Variants in HYAL4 observed in about 807,000 individuals in gnomAD.
HYAL4 encodes the protein hyaluronidase-4.
A neutral mutation model predicts 35.2 loss-of-function variants in HYAL4; 37 were observed. That is an observed-to-expected ratio of 1.05 (90% CI 0.81 to 1.38). The LOEUF is 1.38. Ranked by LOEUF, HYAL4 falls within the 40% of genes most tolerant of loss-of-function variation. The pLI is 0.00. For synonymous variants in HYAL4, 198 were observed against 203.2 expected (o/e 0.97, Z 0.22); for missense variants, 572 against 572.4 (o/e 1.00, Z 0.01).
At chr7:123,790,512 G>A in the HYAL4 span, 6 of 150,348 alleles carry the variant, frequency 4.0e-5, no homozygotes, top group Non-Finnish European at 5.9e-5. Flanking sequence ...TATCTGTAAC[G>A]CTCTCTTGAA....
chr7:123,813,922 A>T, the HYAL4 span, among the ~76,000 whole-genome samples: 5 of 152,334 alleles, frequency 3.3e-5, no homozygotes, highest in South Asian at 1.0e-3. Context: ...TGCATAGCTG[A>T]CAAATGTGTG....
intron 3 of HYAL4, among the ~76,000 whole-genome samples, chr7:123,870,903 A>G (rs1351853575): frequency 1.3e-5 from 2 of 152,300 alleles, no homozygotes; most frequent in South Asian, 2.1e-4. Flanking sequence ...CTTTAGTGAT[A>G]ATAAATTGAC....
chr7:123,817,510 C>CTTTTTTTTTTTTT, the HYAL4 span, among the ~76,000 whole-genome samples: 1 of 122,174 alleles, frequency 8.2e-6, no homozygotes, highest in Non-Finnish European at 1.7e-5. Flanking sequence ...CATTCTTCTT[C>CTTTTTTTTTTTTT]TTTTTTTTTT....
chr7:123,826,769 C>G (rs887074466), upstream of HYAL4, among the ~76,000 whole-genome samples: 1 of 151,978 alleles, frequency 6.6e-6, no homozygotes, highest in Non-Finnish European at 1.5e-5. Context: ...AGTTGGGAGG[C>G]AATCATCCAG....
the HYAL4 span, among the ~76,000 whole-genome samples, chr7:123,823,859 A>G: frequency 6.6e-6 from 1 of 151,996 alleles, no homozygotes; most frequent in African/African-American, 2.4e-5. Context: ...TCACAAAATA[A>G]CTACTACTTT....
chr7:123,843,930 A>G (rs774940592), upstream of HYAL4, among the ~76,000 whole-genome samples: 1 of 151,852 alleles, frequency 6.6e-6, no homozygotes, highest in South Asian at 2.1e-4. Context: ...CTTCCTTGCA[A>G]TGGATTCAAA....
the HYAL4 span, among the ~76,000 whole-genome samples, chr7:123,810,016 A>T: frequency 6.6e-6 from 1 of 152,256 alleles, no homozygotes; most frequent in South Asian, 2.1e-4. Context: ...TTATAAAATT[A>T]AATTCAAAGT....
At chr7:123,769,358 A>G in the HYAL4 span, among the ~76,000 whole-genome samples, 1 of 152,166 alleles carries the variant, frequency 6.6e-6, no homozygotes, top group Non-Finnish European at 1.5e-5. Context: ...AGGAGTGTTT[A>G]TGGGACCTGT....
At chr7:123,869,850 C>T (rs1368029543) in intron 3 of HYAL4, among the ~76,000 whole-genome samples, 1 of 149,340 alleles carries the variant, frequency 6.7e-6, no homozygotes, top group East Asian at 1.9e-4. Context: ...CCCCCCCACC[C>T]AGCTAATTTT....
At chr7:123,841,116 C>T (rs1806050789), upstream of HYAL4, among the ~76,000 whole-genome samples, 1 of 151,936 alleles carries the variant, frequency 6.6e-6, no homozygotes, top group South Asian at 2.1e-4. Flanking sequence ...ATGATATTGG[C>T]TGTGGGTTTG....
At position 123,868,578 on chromosome 7, in the gene HYAL4, C is replaced by T. The variant is rs751222685; in HGVS notation, c.305C>T (p.Thr102Ile). 6 of 1,614,148 alleles carry T rather than the reference C, an allele frequency of 3.7e-6. No homozygotes were observed. The South Asian group carries it at 4.4e-5, about 12-fold the overall frequency. ...AGATTGGGATACTATCCGTGGTATA[C>T]ATCACAAGGGGTCCCCATTAATGGA... ...VNRLGYYPWYTSQGVPINGGL... is the reference protein window; with the variant it reads ...VNRLGYYPWYISQGVPINGGL... The change falls in exon 3 of 5, where the codon ACA (threonine) becomes ATA (isoleucine). Residue 102 changes from threonine to isoleucine, a missense_variant. Thr to Ile is a moderately conservative substitution (Grantham distance 89). Transcript: ENST00000223026.
the HYAL4 span, among the ~76,000 whole-genome samples, chr7:123,810,354 A>G: frequency 6.6e-6 from 1 of 152,216 alleles, no homozygotes; most frequent in African/African-American, 2.4e-5. Context: ...GTTACTTCAT[A>G]CTATAATATT....
the HYAL4 span, among the ~76,000 whole-genome samples, chr7:123,820,716 CTTGT>C: frequency 6.6e-6 from 1 of 152,162 alleles, no homozygotes; most frequent in Non-Finnish European, 1.5e-5. Context: ...ATCTCTCGAA[CTTGT>C]TTATCTAGCG....
At chr7:123,863,065 T>C (rs1394724026) in intron 2 of HYAL4, among the ~76,000 whole-genome samples, 1 of 152,172 alleles carries the variant, frequency 6.6e-6, no homozygotes, top group Non-Finnish European at 1.5e-5. Flanking sequence ...CTCTTATCCT[T>C]GGGATCAGTG....
the HYAL4 span, among the ~76,000 whole-genome samples, chr7:123,811,591 G>A: frequency 1.3e-5 from 2 of 152,070 alleles, no homozygotes. Context: ...TTCTTTGTTA[G>A]ATATGTCTTT....
At chr7:123,803,781 G>A in the HYAL4 span, among the ~76,000 whole-genome samples, 11 of 152,262 alleles carry the variant, frequency 7.2e-5, no homozygotes, top group African/African-American at 2.6e-4. Context: ...GTTACCATTT[G>A]TACATGCCCT....
intron 2 of HYAL4, among the ~76,000 whole-genome samples, chr7:123,849,998 A>G (rs1229142895): frequency 6.6e-6 from 1 of 152,220 alleles, no homozygotes; most frequent in East Asian, 1.9e-4. Context: ...TTACATACCA[A>G]TCAGGTAGAA....
chr7:123,794,322 G>GA, the HYAL4 span, among the ~76,000 whole-genome samples: 1 of 152,220 alleles, frequency 6.6e-6, no homozygotes, highest in African/African-American at 2.4e-5. Flanking sequence ...TTTCTGTAGA[G>GA]AAATTCAAGC....
chr7:123,857,178 T>C (rs1404527034), intron 2 of HYAL4, among the ~76,000 whole-genome samples: 1 of 152,094 alleles, frequency 6.6e-6, no homozygotes, highest in Non-Finnish European at 1.5e-5. Flanking sequence ...TCACCCCCTT[T>C]CCAGGGGAGT....
Sources: gnomAD v4.1 joint callset for allele counts (sites outside exome capture counted in the v4.1 genomes callset) on GRCh38, gnomAD v4.1.1 for gene constraint, MANE v1.5 for transcripts, NCBI Gene and HGNC (gene_info 2026-07-23, HGNC 2026-07-21) for gene names.